LMBRD1: variants seen among roughly 807,000 people sequenced by gnomAD.
LMBRD1 encodes the protein lysosomal cobalamin transport escort protein LMBD1.
A neutral mutation model predicts 74.8 loss-of-function variants in LMBRD1; 64 were observed. The observed-to-expected ratio is 0.86, with a 90% CI of 0.70 to 1.05. The LOEUF (loss-of-function observed/expected upper bound fraction) is 1.05, where lower values mean the gene tolerates loss of function less well. LMBRD1 is among the 50% of genes least tolerant of loss of function. The probability of loss-of-function intolerance (pLI) is 0.00; values close to 1 mark genes in which losing one functional copy is unlikely to be tolerated. For synonymous variants in LMBRD1, 204 were observed against 216.3 expected (o/e 0.94, Z 0.50); for missense variants, 652 against 645.9 (o/e 1.01, Z -0.10).
chr6:69,776,261 T>C (rs1765698854), intron 3 of LMBRD1, among the ~76,000 whole-genome samples: 1 of 152,220 alleles, frequency 6.6e-6, no homozygotes, highest in African/African-American at 2.4e-5. Flanking sequence ...GACTATAAAT[T>C]TGAATCAGTA....
chr6:69,729,853 A>G (rs545603393), intron 7 of LMBRD1, among the ~76,000 whole-genome samples: 1 of 152,126 alleles, frequency 6.6e-6, no homozygotes, highest in Admixed American at 6.5e-5. Context: ...AAATTTAACT[A>G]CAATATTTAG....
chr6:69,726,902 CCAA>C (rs1267849820), intron 7 of LMBRD1, among the ~76,000 whole-genome samples: 4 of 152,240 alleles, frequency 2.6e-5, no homozygotes, highest in South Asian at 2.1e-4. Context: ...GCCTGTAATC[CCAA>C]CACTTTGGGA....
At chr6:69,697,903 CA>C (rs1766041212) in intron 13 of LMBRD1, among the ~76,000 whole-genome samples, 1 of 151,986 alleles carries the variant, frequency 6.6e-6, no homozygotes, top group African/African-American at 2.4e-5. Context: ...ATTTTTAATA[CA>C]AAGTATAGCA....
chr6:69,769,076 T>C (rs760503656), intron 3 of LMBRD1, among the ~76,000 whole-genome samples: 11 of 152,236 alleles, frequency 7.2e-5, no homozygotes, highest in Middle Eastern at 6.8e-3. Context: ...TTTTTGGCCA[T>C]AATTTCTTCA....
intron 6 of LMBRD1, among the ~76,000 whole-genome samples, chr6:69,741,090 A>T (rs555842432): frequency 6.6e-6 from 1 of 152,248 alleles, no homozygotes; most frequent in Non-Finnish European, 1.5e-5. Context: ...CAAAAACATA[A>T]GGTTCTCTCT....
intron 3 of LMBRD1, among the ~76,000 whole-genome samples, chr6:69,777,419 T>C (rs1394102312): frequency 3.5e-5 from 5 of 141,898 alleles, no homozygotes; most frequent in Non-Finnish European, 7.5e-5. Flanking sequence ...CACTTCAGCC[T>C]GCGCAACAGA....
intron 7 of LMBRD1, among the ~76,000 whole-genome samples, chr6:69,737,063 T>A (rs376323269): frequency 3.2e-4 from 49 of 152,288 alleles, no homozygotes; most frequent in African/African-American, 1.2e-3. Context: ...ACGTGAATGA[T>A]CATGTGACAA....
At chr6:69,719,708 C>T in intron 7 of LMBRD1, among the ~76,000 whole-genome samples, 1 of 152,162 alleles carries the variant, frequency 6.6e-6, no homozygotes. Context: ...ATTAATAATA[C>T]TTAATGGCAT....
intron 14 of LMBRD1, among the ~76,000 whole-genome samples, chr6:69,696,608 C>T (rs1256881566): frequency 3.9e-5 from 6 of 152,080 alleles, no homozygotes; most frequent in Admixed American, 3.9e-4. Flanking sequence ...GAACAGCCTT[C>T]CCTTGATGTG....
In LMBRD1 at chr6:69,701,930, G is replaced by T; in HGVS notation, c.939C>A (p.Ile313=). Reference sequence around the variant, plus strand: ...AAATTACAAACAGCAATGCAACTAAGATGAAAAATATTCCCCAGACGATCT... The same window carrying T: ...AAATTACAAACAGCAATGCAACTAATATGAAAAATATTCCCCAGACGATCT... The part of the protein sequence containing the change: ...PLKIVWGIFF[I]LVALLFVISL... Residue 313 remains isoleucine, a synonymous_variant, in exon 10 of 16, where the codon ATC becomes ATA. Coordinates refer to ENST00000649934, the MANE Select transcript of LMBRD1 (RefSeq NM_018368.4). 6.2e-7 allele frequency: 1 copy of T among 1,600,972 alleles called. No homozygotes were observed. The highest frequency in any genetic ancestry group is 8.6e-7 in the Non-Finnish European group (1 of 1,169,010).
chr6:69,738,006 G>A lies in LMBRD1; in HGVS notation c.572C>T (p.Ala191Val). 1.9e-6 allele frequency: 3 copies of A among 1,607,998 alleles called. No individual in the cohort carries two copies. Among genetic ancestry groups the A allele is most frequent in the Non-Finnish European group, 2.6e-6 (3 of 1,176,052 alleles). Residue 191 changes from alanine (A) to valine (V), a missense_variant, in exon 7 of 16, where the codon GCT becomes GTT. This residue lies in a region of LMBRD1 where 598 missense variants were observed against 581.8 expected (regional missense o/e 1.03). Transcript: ENST00000649934. ...FEELGSSHGL[A>V]ALSFSISSLT... ...AGAACTGATAGAAAATGACAATGCA[G>A]CTAAACCATCTGTGAAGAAAGAAAA... is the stretch of plus-strand genomic sequence containing the variant.
At chr6:69,757,968 T>C (rs1409030846) in intron 3 of LMBRD1, among the ~76,000 whole-genome samples, 2 of 152,106 alleles carry the variant, frequency 1.3e-5, no homozygotes, top group Non-Finnish European at 1.5e-5. Flanking sequence ...ATGAAACAAG[T>C]TGGTTTTTTA....
rs115099918 is a variant in LMBRD1, at chr6:69,760,193, T to C, written c.308-7837A>G. ...CAGAAAACATGTGCAAGAATGTTCA[T>C]TGCACAATTTTAACATCAAAAAACT... On this transcript the variant is annotated intron_variant, in intron 3 of 15. Transcript: ENST00000649934. Among the ~76,000 whole-genome samples the C allele has an allele frequency of 1.4e-3, 212 of 152,362 alleles. 1 individual carries two copies. The highest frequency in any genetic ancestry group is 4.6e-3 in the African/African-American group (193 of 41,592).
chr6:69,679,839 G>C (rs1468198804), intron 14 of LMBRD1, among the ~76,000 whole-genome samples: 1 of 152,042 alleles, frequency 6.6e-6, no homozygotes, highest in African/African-American at 2.4e-5. Context: ...AAGATCATAT[G>C]ACATATACAT....
intron 13 of LMBRD1, 124 bp downstream of exon 13, chr6:69,698,919 T>A: frequency 1.5e-6 from 1 of 679,674 alleles, no homozygotes; most frequent in South Asian, 1.9e-5. Context: ...AAAACCAGTT[T>A]TAGCAATATT....
At chr6:69,795,142 C>G (rs909516890) in intron 1 of LMBRD1, among the ~76,000 whole-genome samples, 4 of 152,218 alleles carry the variant, frequency 2.6e-5, no homozygotes, top group African/African-American at 9.6e-5. Context: ...AAGAAACCAG[C>G]CTTTCTTCTA....
In LMBRD1 at chr6:69,796,842, C is replaced by T. The variant is rs779667411; in HGVS notation, c.40G>A (p.Gly14Ser). The change falls in exon 1 of 16, where the codon GGC becomes AGC. Residue 14 changes from glycine to serine, a missense_variant. Transcript: ENST00000649934. ...SGAASAELVI[G>S]WCIFGLLLLA... ...AGTAAGAGGCCGAATATGCACCAGC[C>T]GATCACCAGCTCCGCCGAGGCCGCG... 2.5e-6 allele frequency: 4 copies of T among 1,613,988 alleles called. No homozygotes were observed. Among genetic ancestry groups the T allele is most frequent in the Non-Finnish European group, 3.4e-6 (4 of 1,180,034 alleles).
At chr6:69,691,199 T>G (rs1765871609) in intron 14 of LMBRD1, among the ~76,000 whole-genome samples, 1 of 151,378 alleles carries the variant, frequency 6.6e-6, no homozygotes, top group African/African-American at 2.4e-5. Context: ...ATGTTTCATT[T>G]TCTCACACTC....
chr6:69,706,161 C>T, intron 9 of LMBRD1: 1 of 507,260 alleles, frequency 2.0e-6, no homozygotes, highest in South Asian at 1.8e-5. Context: ...AATCTTCCAT[C>T]AGGTGGCAGC....
Sources: allele counts gnomAD v4.1 joint callset (sites outside exome capture counted in the v4.1 genomes callset), GRCh38; gene constraint gnomAD v4.1.1; regional missense constraint gnomAD v4.1.1; transcripts MANE v1.5; gene names NCBI Gene and HGNC (gene_info 2026-07-23, HGNC 2026-07-21).